The following BATF variants were observed in gnomAD, a reference collection of about 807,000 sequenced individuals.
BATF encodes the protein basic leucine zipper ATF-like transcription factor, also known as basic leucine zipper transcriptional factor ATF-like.
Under a neutral mutation model 13.7 loss-of-function variants are expected in BATF, and 5 were observed. That is an observed-to-expected ratio of 0.36 (90% CI 0.19 to 0.77). BATF has a LOEUF of 0.77. Among genes scored for constraint, BATF ranks in the 30% least tolerant of loss-of-function variants. The probability of loss-of-function intolerance (pLI) is 0.51; values close to 1 mark genes in which losing one functional copy is unlikely to be tolerated. For missense variants in BATF, 124 were observed against 163.0 expected (o/e 0.76, Z 1.30); for synonymous variants, 72 against 67.5 (o/e 1.07, Z -0.33).
rs370395539 is a variant in BATF at position 75,546,464 on chromosome 14, G to A, written c.171G>A (p.Glu57=). The A allele has an allele frequency of 7.4e-5, 119 of 1,613,972 alleles. No individual in the cohort carries two copies. The highest frequency in any genetic ancestry group is 6.5e-4 in the Admixed American group (39 of 59,982). The change falls in exon 3 of 3, where the codon GAG becomes GAA. Residue 57 remains glutamate (E), a splice_region_variant and synonymous_variant. Coordinates refer to ENST00000286639, the MANE Select transcript of BATF (RefSeq NM_006399.5). The part of the protein sequence containing the change: ...QTQKADTLHL[E]SEDLEKQNAA... ...GGTGCTGATCCCCACCCCTACAGGA[G>A]AGCGAAGACCTGGAGAAACAGAACG...
rs769099151 is a variant in BATF, at chr14:75,525,189, G to GT, written c.168+2dup. On this transcript the variant is annotated splice_donor_variant, in intron 2 of 2. Transcript: ENST00000286639. LOFTEE classifies it high-confidence loss of function. ...ACAGAAGGCCGACACCCTGCACCTG[G>GT]TAAGTGTTCAGATCAATCTTCATCC... The GT allele has an allele frequency of 4.8e-5, 78 of 1,613,116 alleles. No individual in the cohort carries two copies. Among genetic ancestry groups the GT allele is most frequent in the Non-Finnish European group, 6.4e-5 (76 of 1,179,614 alleles).
At chr14:75,523,163 G>A (rs1354964683) in intron 1 of BATF, among the ~76,000 whole-genome samples, 1 of 150,762 alleles carries the variant, frequency 6.6e-6, no homozygotes, top group Admixed American at 6.6e-5. Flanking sequence ...CAGTTTCCCA[G>A]GAGACAGCCA....
At position 75,538,278 on chromosome 14, in the gene BATF, C is replaced by G. The variant is rs141582748; in HGVS notation, c.169-8184C>G. 3.3e-5 allele frequency among the ~76,000 whole-genome samples: 5 copies of G among 152,262 alleles called. No individual in the cohort carries two copies. In the East Asian group the frequency reaches 9.6e-4, roughly 29 times the overall value. On this transcript the variant is annotated intron_variant, in intron 2 of 2. Transcript: ENST00000286639. ...CCTTATGTTATTATTAAAAGGAATCCACTATGAACATGATTTTTTGCCCAT... is the reference window on the plus strand; with the variant it reads ...CCTTATGTTATTATTAAAAGGAATCGACTATGAACATGATTTTTTGCCCAT...
chr14:75,528,014 A>G (rs1887677883), intron 2 of BATF, among the ~76,000 whole-genome samples: 1 of 152,148 alleles, frequency 6.6e-6, no homozygotes, highest in Admixed American at 6.5e-5. Flanking sequence ...CGAGATGACA[A>G]TCACCTATCT....
At chr14:75,531,704 A>C (rs1190524159) in intron 2 of BATF, among the ~76,000 whole-genome samples, 2 of 152,238 alleles carry the variant, frequency 1.3e-5, no homozygotes, top group Admixed American at 6.5e-5. Context: ...CTTTGAGCTA[A>C]CACTGTGAGA....
chr14:75,529,753 G>A (rs972327632), intron 2 of BATF, among the ~76,000 whole-genome samples: 1 of 152,066 alleles, frequency 6.6e-6, no homozygotes, highest in African/African-American at 2.4e-5. Flanking sequence ...AATAGGAGAT[G>A]ATTAACAACC....
At chr14:75,525,715 G>C (rs1427809122) in intron 2 of BATF, among the ~76,000 whole-genome samples, 1 of 151,102 alleles carries the variant, frequency 6.6e-6, no homozygotes, top group African/African-American at 2.4e-5. Flanking sequence ...CCAGGAGGCT[G>C]AACAGAGAAA....
Position 75,546,905 on chromosome 14 carries a change from G to C in BATF, c.*234G>C. 1 of 710,986 alleles carries C rather than the reference G, an allele frequency of 1.4e-6. No homozygotes were observed. Among genetic ancestry groups the C allele is most frequent in the African/African-American group, 1.7e-5 (1 of 57,534 alleles). 44.0% of individuals were successfully genotyped at this position (710,986 alleles called of 1,614,324 possible). On this transcript the variant is annotated 3_prime_UTR_variant, in exon 3 of 3. Transcript: ENST00000286639. ...TGTGGGTTGCAGGCCCAATGCAGAA[G>C]AGTATTAAGAAAGATGCTCAAGTCC...
intron 2 of BATF, among the ~76,000 whole-genome samples, chr14:75,540,376 C>T (rs979708615): frequency 6.6e-6 from 1 of 152,178 alleles, no homozygotes; most frequent in Non-Finnish European, 1.5e-5. Flanking sequence ...TCCTTAGCCA[C>T]CCCCAAGCTG....
At chr14:75,533,055 C>T (rs988463383) in intron 2 of BATF, among the ~76,000 whole-genome samples, 1 of 152,106 alleles carries the variant, frequency 6.6e-6, no homozygotes, top group Non-Finnish European at 1.5e-5. Flanking sequence ...AGGGAAAACA[C>T]ATCAAGGAAA....
chr14:75,539,307 T>C (rs1178201139), intron 2 of BATF, among the ~76,000 whole-genome samples: 1 of 151,896 alleles, frequency 6.6e-6, no homozygotes, highest in Non-Finnish European at 1.5e-5. Flanking sequence ...GCCTTTTTGG[T>C]AGGAAGGGAA....
At chr14:75,545,952 T>C (rs1433901042) in intron 2 of BATF, among the ~76,000 whole-genome samples, 1 of 152,090 alleles carries the variant, frequency 6.6e-6, no homozygotes, top group Admixed American at 6.6e-5. Flanking sequence ...TCTGCCTCCC[T>C]GGTTCAAGTA....
chr14:75,531,293 G>A (rs538151132), intron 2 of BATF, among the ~76,000 whole-genome samples: 2 of 152,310 alleles, frequency 1.3e-5, no homozygotes, highest in Admixed American at 6.5e-5. Flanking sequence ...GTTGGTCATG[G>A]CTATCTGGTG....
Position 75,546,690 on chromosome 14 carries a change from G to C in BATF, c.*19G>C. The C allele has an allele frequency of 6.4e-7, 1 of 1,552,196 alleles. No homozygotes were observed. The highest frequency in any genetic ancestry group is 8.7e-7 in the Non-Finnish European group (1 of 1,149,302). The stretch of plus-strand genomic sequence containing the variant: ...GCCCTGAGCTTCCGATGCGGGGAGA[G>C]CAGAGCCTCGGGAGGGGCACACAGA... On this transcript the variant is annotated 3_prime_UTR_variant, in exon 3 of 3. Transcript: ENST00000286639.
chr14:75,532,200 GT>G (rs1049151032), intron 2 of BATF, among the ~76,000 whole-genome samples: 1 of 152,114 alleles, frequency 6.6e-6, no homozygotes, highest in African/African-American at 2.4e-5. Context: ...TAACCATTAA[GT>G]TTTACTGCCT....
rs371983394 is a variant in BATF at position 75,534,540 on chromosome 14, T to A, written c.168+9352T>A. Among the ~76,000 whole-genome samples, 169 of 152,316 alleles carry A rather than the reference T, an allele frequency of 1.1e-3. 1 individual carries two copies. The South Asian group carries it at 0.025, about 22-fold the overall frequency. ...ATTTCCAGAACTTGCTAAATGTCCC[T>A]GGAAAGGCAAAATCAGTCCTAGTTG... On this transcript the variant is annotated intron_variant, in intron 2 of 2. Coordinates refer to ENST00000286639, the MANE Select transcript of BATF (RefSeq NM_006399.5).
chr14:75,536,098 G>A (rs756593081), intron 2 of BATF, among the ~76,000 whole-genome samples: 1 of 152,174 alleles, frequency 6.6e-6, no homozygotes, highest in African/African-American at 2.4e-5. Flanking sequence ...CTGATTTCAC[G>A]AACCTTACAG....
At chr14:75,544,259 A>T (rs78288989) in intron 2 of BATF, among the ~76,000 whole-genome samples, 10,963 of 151,910 alleles carry the variant, frequency 0.072, 452 homozygotes, top group Non-Finnish European at 0.1. Flanking sequence ...AAAAATTATT[A>T]TTATTTTTTT....
At chr14:75,523,028 A>G (rs1887596585) in intron 1 of BATF, among the ~76,000 whole-genome samples, 1 of 152,140 alleles carries the variant, frequency 6.6e-6, no homozygotes, top group Non-Finnish European at 1.5e-5. Flanking sequence ...GCTTTCTAGG[A>G]AGCAAAGAGG....
Sources: gnomAD v4.1 joint callset for allele counts (sites outside exome capture counted in the v4.1 genomes callset) on GRCh38, gnomAD v4.1.1 for gene constraint, MANE v1.5 for transcripts, NCBI Gene and HGNC (gene_info 2026-07-23, HGNC 2026-07-21) for gene names.